HPSE: variants seen among roughly 807,000 people sequenced by gnomAD.
The protein encoded by HPSE is heparanase, also known as endo-glucoronidase.
Under a neutral mutation model 65.1 loss-of-function variants are expected in HPSE, and 48 were observed. The ratio of observed to expected loss-of-function variants is 0.74; its 90% CI spans 0.58 to 0.94. The LOEUF (loss-of-function observed/expected upper bound fraction) is 0.94, where lower values mean the gene tolerates loss of function less well. HPSE is among the 40% of genes least tolerant of loss of function. The probability of loss-of-function intolerance (pLI) is 0.00; values close to 1 mark genes in which losing one functional copy is unlikely to be tolerated. For missense variants in HPSE, 644 were observed against 637.5 expected (o/e 1.01, Z -0.11); for synonymous variants, 243 against 260.0 (o/e 0.93, Z 0.63).
rs796166798 is a variant in HPSE, at chr4:83,300,773, C to T, written c.1472+187G>A. On this transcript the variant is annotated intron_variant, in intron 11 of 11. Coordinates refer to ENST00000311412, the MANE Select transcript of HPSE (RefSeq NM_001098540.3). ...GAGCTTGCAGTGAGCCGAGATCCCGCCACTGCACTCCAGCCTGGGCGACAG... is the reference window on the plus strand; with the variant it reads ...GAGCTTGCAGTGAGCCGAGATCCCGTCACTGCACTCCAGCCTGGGCGACAG... Among the ~76,000 whole-genome samples the T allele has an allele frequency of 2.4e-3, 48 of 19,922 alleles. 8 individuals carry two copies. The highest frequency in any genetic ancestry group is 4.0e-3 in the African/African-American group (48 of 11,896). 13.1% of individuals were successfully genotyped at this position (19,922 alleles called of 152,430 possible).
At chr4:83,318,819 T>A (rs564073305) in intron 3 of HPSE, among the ~76,000 whole-genome samples, 5 of 151,620 alleles carry the variant, frequency 3.3e-5, no homozygotes, top group African/African-American at 9.7e-5. Context: ...ACTGAAAACA[T>A]ACTAATGGGT....
chr4:83,305,273 G>T (rs942083695), intron 9 of HPSE, among the ~76,000 whole-genome samples: 60 of 152,202 alleles, frequency 3.9e-4, no homozygotes, highest in African/African-American at 1.3e-3. Flanking sequence ...AAATTACTAT[G>T]CTTAGTTTAA....
intron 3 of HPSE, among the ~76,000 whole-genome samples, chr4:83,317,622 G>C (rs1736703964): frequency 6.6e-6 from 1 of 152,114 alleles, no homozygotes. Context: ...TCCTGGAGTT[G>C]GAAACCTACC....
chr4:83,309,411 T>A lies in HPSE; in HGVS notation c.975A>T (p.Lys325Asn). The A allele has an allele frequency of 6.4e-7, 1 of 1,563,596 alleles. No individual in the cohort carries two copies. The highest frequency in any genetic ancestry group is 1.4e-5 in the African/African-American group (1 of 73,170). ...TTAAAAAGACTATTACCTGGAAAAC[T>A]TTTTGCACAGATGAAATAAAAATGT... Reference protein sequence around the residue: ...VLDIFISSVQKVFQVVESTRP... With the variant: ...VLDIFISSVQNVFQVVESTRP... The change falls in exon 7 of 12, where the codon AAA becomes AAT. Residue 325 changes from lysine (K) to asparagine (N), a missense_variant. Coordinates refer to ENST00000311412, the MANE Select transcript of HPSE (RefSeq NM_001098540.3).
In HPSE at chr4:83,334,641, G is replaced by T. The variant is rs903492786; in HGVS notation, c.142C>A (p.Pro48Thr). ...VVDLDFFTQE[P>T]LHLVSPSFLS... ...AACGAGGGGCTCACCAGGTGCAGCG[G>T]CTCCTGGGTGAAGAAGTCCAGGTCC... The change falls in exon 1 of 12, where the codon CCG (proline) becomes ACG (threonine). Residue 48 changes from proline to threonine, a missense_variant. By Grantham distance (38) the Pro-to-Thr change is conservative (BLOSUM62 -1). Coordinates refer to ENST00000311412, the MANE Select transcript of HPSE (RefSeq NM_001098540.3). 4 of 1,585,662 alleles carry T rather than the reference G, an allele frequency of 2.5e-6. No individual in the cohort carries two copies. The African/African-American group carries it at 5.4e-5, about 21-fold the overall frequency.
intron 8 of HPSE, among the ~76,000 whole-genome samples, chr4:83,307,101 G>A (rs1321389362): frequency 6.6e-6 from 1 of 152,122 alleles, no homozygotes; most frequent in Admixed American, 6.5e-5. Flanking sequence ...GCCCCTACCG[G>A]CCAAATTATC....
At chr4:83,334,473 C>G in intron 1 of HPSE, 83 bp downstream of exon 1, 5 of 1,432,016 alleles carry the variant, frequency 3.5e-6, no homozygotes, top group Non-Finnish European at 4.7e-6. Context: ...TGTTTCCGCG[C>G]AAAAGAAGGA....
At chr4:83,316,051 G>C (rs2126191179) in intron 3 of HPSE, among the ~76,000 whole-genome samples, 1 of 151,412 alleles carries the variant, frequency 6.6e-6, no homozygotes, top group Non-Finnish European at 1.5e-5. Flanking sequence ...TTTTGAGACA[G>C]AGTATTGTTC....
At chr4:83,300,614 AC>A (rs1330570494) in intron 11 of HPSE, among the ~76,000 whole-genome samples, 1 of 23,646 alleles carries the variant, frequency 4.2e-5, no homozygotes. Flanking sequence ...GGAGATCGAG[AC>A]CCATCCGGGC....
intron 4 of HPSE, among the ~76,000 whole-genome samples, chr4:83,311,262 G>A (rs906344634): frequency 2.0e-5 from 3 of 152,050 alleles, no homozygotes; most frequent in African/African-American, 4.8e-5. Context: ...CCATGATCAC[G>A]CAACCGCACT....
At chr4:83,329,567 A>T (rs1047639650) in intron 1 of HPSE, among the ~76,000 whole-genome samples, 1 of 152,326 alleles carries the variant, frequency 6.6e-6, no homozygotes, top group Admixed American at 6.5e-5. Context: ...TCAGAAAAAA[A>T]GGTGCTCTGC....
intron 1 of HPSE, among the ~76,000 whole-genome samples, chr4:83,323,051 G>T (rs1428298550): frequency 2.0e-5 from 3 of 152,010 alleles, no homozygotes; most frequent in African/African-American, 7.2e-5. Context: ...TGGGGAGAAA[G>T]AAATGATAGA....
At position 83,322,237 on chromosome 4, in the gene HPSE, G is replaced by T. The variant is rs762923890; in HGVS notation, c.355C>A (p.Gln119Lys). The T allele has an allele frequency of 6.2e-7, 1 of 1,613,504 alleles. No homozygotes were observed. The highest frequency in any genetic ancestry group is 8.5e-7 in the Non-Finnish European group (1 of 1,179,680). ...TTTTCACCCTGGTTGACTTGAGATT[G>T]CCAGTAACTTCTCTCTTCAAAGGTT... ...ESTFEERSYW[Q>K]SQVNQDICKY... Residue 119 changes from glutamine to lysine, a missense_variant, in exon 2 of 12, where the codon CAA becomes AAA. Gln to Lys is a moderately conservative substitution (Grantham distance 53). Coordinates refer to ENST00000311412, the MANE Select transcript of HPSE (RefSeq NM_001098540.3).
intron 1 of HPSE, 69 bp from the exon 2 acceptor site, chr4:83,322,433 C>T: frequency 7.7e-7 from 1 of 1,296,616 alleles, no homozygotes; most frequent in Non-Finnish European, 1.1e-6. Context: ...ATTCTTACTT[C>T]CTTCTTTCCT....
chr4:83,304,567 G>GC (rs11372404), intron 9 of HPSE, among the ~76,000 whole-genome samples: 65,668 of 151,852 alleles, frequency 0.43, 15,144 homozygotes, highest in African/African-American at 0.59. Context: ...AATGGTTCAT[G>GC]CTGTAATCCC....
chr4:83,313,187 G>A lies in HPSE; in HGVS notation c.600C>T (p.Asn200=), dbSNP rs376480403. The change falls in exon 4 of 12, where the codon AAC becomes AAT. Residue 200 remains asparagine (N), a synonymous_variant. Transcript: ENST00000311412. ...CCAGGAGCAACTGAGCATTAGAACT[G>A]TTCCACTGCAAATCTGCTGTTCTTA... ...ALLRTADLQW[N]SSNAQLLLDY... 315 of 1,613,688 alleles carry A rather than the reference G, an allele frequency of 2.0e-4. No homozygotes were observed. Among genetic ancestry groups the A allele is most frequent in the Non-Finnish European group, 2.3e-4 (275 of 1,179,742 alleles).
At position 83,302,174 on chromosome 4, in the gene HPSE, T is replaced by C. The variant is rs1560504666; in HGVS notation, c.1301A>G (p.Tyr434Cys). ...CTTGTCAGTGTTTGTGCAATGAAGG[T>C]ATACTCGAAGCTTCCTTCTCTTTGA... ...QGSKRRKLRV[Y>C]LHCTNTDNPR... Residue 434 changes from tyrosine to cysteine, a missense_variant, in exon 10 of 12, where the codon TAC becomes TGC. Tyr to Cys is a radical substitution (Grantham distance 194, BLOSUM62 -2). Transcript: ENST00000311412. 6.2e-7 allele frequency: 1 copy of C among 1,612,408 alleles called. No homozygotes were observed. The highest frequency in any genetic ancestry group is 8.5e-7 in the Non-Finnish European group (1 of 1,178,418).
intron 1 of HPSE, among the ~76,000 whole-genome samples, chr4:83,332,341 GA>G (rs2126199423): frequency 6.6e-6 from 1 of 152,378 alleles, no homozygotes; most frequent in East Asian, 1.9e-4. Flanking sequence ...TAGATGAGGA[GA>G]GGGGGTTCCT....
chr4:83,320,519 T>G (rs899063928), intron 2 of HPSE, among the ~76,000 whole-genome samples: 1 of 146,466 alleles, frequency 6.8e-6, no homozygotes, highest in African/African-American at 2.6e-5. Flanking sequence ...TGAGCCAAGA[T>G]CCCGCCATTG....
Sources: allele counts gnomAD v4.1 joint callset (sites outside exome capture counted in the v4.1 genomes callset), GRCh38; gene constraint gnomAD v4.1.1; transcripts MANE v1.5; gene names NCBI Gene and HGNC (gene_info 2026-07-23, HGNC 2026-07-21).